FRMD4A: variants seen among roughly 807,000 people sequenced by gnomAD.
FRMD4A encodes the protein FERM domain-containing protein 4A.
A neutral mutation model predicts 129.1 loss-of-function variants in FRMD4A; 29 were observed. The ratio of observed to expected loss-of-function variants is 0.22; its 90% CI spans 0.17 to 0.31. The LOEUF (loss-of-function observed/expected upper bound fraction) is 0.31. Ranked by LOEUF, FRMD4A falls within the 10% of genes least tolerant of loss-of-function variation. The probability of loss-of-function intolerance (pLI) is 1.00; values close to 1 mark genes in which losing one functional copy is unlikely to be tolerated. For missense variants in FRMD4A, 1,272 were observed against 1,375.8 expected, an observed-to-expected ratio of 0.92 and a Z score of 1.19; for synonymous variants, 634 against 571.6, an observed-to-expected ratio of 1.11 and a Z score of -1.56.
At chr10:14,304,690 T>C (rs374830246) in intron 2 of FRMD4A, among the ~76,000 whole-genome samples, 1 of 152,208 alleles carries the variant, frequency 6.6e-6, no homozygotes, top group Non-Finnish European at 1.5e-5. Flanking sequence ...TCCTCAATCA[T>C]GCTACCACTT....
intron 2 of FRMD4A, among the ~76,000 whole-genome samples, chr10:13,917,676 A>G (rs919787878): frequency 6.6e-6 from 1 of 152,134 alleles, no homozygotes; most frequent in African/African-American, 2.4e-5. Flanking sequence ...TAAATATCAA[A>G]CTTCAGAAAA....
chr10:14,069,782 A>G (rs772439245), intron 2 of FRMD4A, among the ~76,000 whole-genome samples: 3 of 152,108 alleles, frequency 2.0e-5, no homozygotes, highest in Admixed American at 1.3e-4. Context: ...CAAAATCTAA[A>G]AGTTAGTTTC....
At chr10:14,098,868 C>T (rs752669621) in intron 2 of FRMD4A, among the ~76,000 whole-genome samples, 8 of 152,148 alleles carry the variant, frequency 5.3e-5, no homozygotes, top group Non-Finnish European at 7.3e-5. Flanking sequence ...ACATAGCGGG[C>T]GTGCATATGA....
At chr10:14,143,881 T>C (rs953346755) in intron 2 of FRMD4A, among the ~76,000 whole-genome samples, 4 of 152,138 alleles carry the variant, frequency 2.6e-5, no homozygotes, top group Admixed American at 2.6e-4. Flanking sequence ...AGTGCTGAGA[T>C]TACAGGTATA....
rs544862431 is a variant in FRMD4A, at chr10:13,884,005, G to A, written c.46-25093C>T. 1.6e-4 allele frequency among the ~76,000 whole-genome samples: 24 copies of A among 151,670 alleles called. No individual in the cohort carries two copies. In the South Asian group the frequency reaches 4.4e-3, roughly 28 times the overall value. On this transcript the variant is annotated intron_variant, in intron 2 of 24. Transcript: ENST00000357447. ...GTTATTAAGTGCTTAAAATTTTTTC[G>A]ATGAACATTATGCAAATTGACACGT...
chr10:14,183,289 GA>G (rs1841970914), intron 2 of FRMD4A, among the ~76,000 whole-genome samples: 1 of 152,214 alleles, frequency 6.6e-6, no homozygotes, highest in Non-Finnish European at 1.5e-5. Flanking sequence ...TGGTGTCTTG[GA>G]AAGTTACACA....
intron 2 of FRMD4A, among the ~76,000 whole-genome samples, chr10:13,883,593 T>C (rs2094571803): frequency 6.6e-6 from 1 of 152,244 alleles, no homozygotes; most frequent in Non-Finnish European, 1.5e-5. Context: ...AGTTGGAAGT[T>C]GCAGATCTCT....
At chr10:13,687,101 G>A (rs1373161733) in intron 15 of FRMD4A, among the ~76,000 whole-genome samples, 1 of 152,218 alleles carries the variant, frequency 6.6e-6, no homozygotes, top group Non-Finnish European at 1.5e-5. Flanking sequence ...GACCATCCTG[G>A]CCAACATCAT....
intron 12 of FRMD4A, among the ~76,000 whole-genome samples, chr10:13,715,094 T>C (rs1210384652): frequency 1.3e-5 from 2 of 152,116 alleles, no homozygotes; most frequent in Non-Finnish European, 2.9e-5. Flanking sequence ...CATTCACATA[T>C]ATCTCATGCT....
At chr10:13,692,248 A>T (rs1467707947) in intron 15 of FRMD4A, 1 of 144,420 alleles carries the variant, frequency 6.9e-6, no homozygotes, top group African/African-American at 2.6e-5. Flanking sequence ...TCCTGAGTTC[A>T]AGTGATTCTC....
chr10:13,749,963 G>T (rs765870809), intron 8 of FRMD4A, among the ~76,000 whole-genome samples: 2 of 142,088 alleles, frequency 1.4e-5, no homozygotes, highest in Non-Finnish European at 3.1e-5. Context: ...AGAAAGAAAA[G>T]AAAAGAAAAG....
intron 2 of FRMD4A, among the ~76,000 whole-genome samples, chr10:13,906,779 C>G (rs1172427523): frequency 6.6e-6 from 1 of 152,162 alleles, no homozygotes; most frequent in Non-Finnish European, 1.5e-5. Context: ...TCTGAGTGCA[C>G]CAAGTGTATG....
At chr10:14,066,984 C>G (rs560070491) in intron 2 of FRMD4A, among the ~76,000 whole-genome samples, 1 of 152,252 alleles carries the variant, frequency 6.6e-6, no homozygotes, top group African/African-American at 2.4e-5. Flanking sequence ...CATGAGAGCT[C>G]ATACACAAAC....
intron 6 of FRMD4A, among the ~76,000 whole-genome samples, chr10:13,782,389 A>G (rs1003386819): frequency 6.6e-6 from 1 of 151,948 alleles, no homozygotes; most frequent in Non-Finnish European, 1.5e-5. Flanking sequence ...ATGTCCACAG[A>G]GCCAGAAACA....
intron 2 of FRMD4A, among the ~76,000 whole-genome samples, chr10:14,190,267 T>G (rs1437854722): frequency 6.6e-6 from 1 of 152,238 alleles, no homozygotes; most frequent in Non-Finnish European, 1.5e-5. Flanking sequence ...CCCTCTCATG[T>G]TGGTAGTTCT....
chr10:13,656,968 G>C lies in FRMD4A; in HGVS notation c.2621C>G (p.Thr874Arg), dbSNP rs777524534. Residue 874 changes from threonine to arginine, a missense_variant, in exon 22 of 25, where the codon ACG (threonine) becomes AGG (arginine). Thr to Arg is a moderately conservative substitution (Grantham distance 71). This residue lies in a region of FRMD4A where 972 missense variants were observed against 892.3 expected (regional missense o/e 1.09). Coordinates refer to ENST00000357447, the MANE Select transcript of FRMD4A (RefSeq NM_018027.5). Reference protein sequence around the residue: ...KAQFKTSNSYTAGGLFKESWR... With the variant: ...KAQFKTSNSYRAGGLFKESWR... ...GCTCTCCTTGAACAGGCCGCCCGCC[G>C]TGTAGGAGTTGGACGTCTTGAACTG... 1.3e-6 allele frequency: 2 copies of C among 1,545,514 alleles called. No individual in the cohort carries two copies. The highest frequency in any genetic ancestry group is 8.7e-7 in the Non-Finnish European group (1 of 1,153,352).
In FRMD4A at chr10:13,734,831, CTTCT is replaced by C. The variant is rs750462857; in HGVS notation, c.759+3009_759+3012del. ...AGGTATGCAATAACTTTTTTTTCTT[CTTCT>C]TTTTCTATTTATTTATTTATTTATT... On this transcript the variant is annotated intron_variant, in intron 12 of 24. Coordinates refer to ENST00000357447, the MANE Select transcript of FRMD4A (RefSeq NM_018027.5). Among the ~76,000 whole-genome samples, 898 of 150,018 alleles carry C rather than the reference CTTCT, an allele frequency of 6.0e-3. 6 individuals carry two copies. The highest frequency in any genetic ancestry group is 0.034 in the Middle Eastern group (10 of 292).
At chr10:14,017,705 CT>C (rs1287056390) in intron 2 of FRMD4A, among the ~76,000 whole-genome samples, 1 of 152,194 alleles carries the variant, frequency 6.6e-6, no homozygotes, top group East Asian at 1.9e-4. Flanking sequence ...CATCAGATTC[CT>C]TTCGCTCCTG....
chr10:14,183,754 T>C (rs775550247), intron 2 of FRMD4A, among the ~76,000 whole-genome samples: 6 of 152,244 alleles, frequency 3.9e-5, no homozygotes, highest in Non-Finnish European at 5.9e-5. Context: ...CTTTTAAAAA[T>C]GTTCATAAAC....
Sources: gnomAD v4.1 joint callset for allele counts (sites outside exome capture counted in the v4.1 genomes callset) on GRCh38, gnomAD v4.1.1 for gene constraint, gnomAD v4.1.1 regional missense constraint, MANE v1.5 for transcripts, NCBI Gene and HGNC (gene_info 2026-07-23, HGNC 2026-07-21) for gene names.